AHCTF1: variants seen among roughly 807,000 people sequenced by gnomAD.
AHCTF1 encodes the protein AT-hook containing transcription factor 1.
AHCTF1 carries 24 observed loss-of-function variants against 248.4 expected under a neutral mutation model. The ratio of observed to expected loss-of-function variants is 0.10; its 90% CI spans 0.07 to 0.14. The LOEUF is 0.14. Ranked by LOEUF, AHCTF1 falls within the 10% of genes least tolerant of loss-of-function variation. The pLI is 1.00. For synonymous variants in AHCTF1, 786 were observed against 929.8 expected (o/e 0.85, Z 2.81); for missense variants, 2,206 against 2,636.2 (o/e 0.84, Z 3.57).
chr1:246,886,346 A>C (rs1663817828), intron 20 of AHCTF1, among the ~76,000 whole-genome samples: 1 of 152,184 alleles, frequency 6.6e-6, no homozygotes, highest in Admixed American at 6.5e-5. Context: ...AAATAAATAA[A>C]AATAAAAAAT....
rs542652311 is a variant in AHCTF1 at position 246,900,305 on chromosome 1, G to A, written c.1250+32C>T. 2.5e-6 allele frequency: 4 copies of A among 1,581,516 alleles called. No homozygotes were observed. In the East Asian group the frequency reaches 6.7e-5, roughly 27 times the overall value. ...GGTCAGCTACACATACAAATACAAA[G>A]AGAAAGGAGAGAGAAAAAAAAAGAA... On this transcript the variant is annotated intron_variant, in intron 9 of 35. Transcript: ENST00000648844.
intron 1 of AHCTF1, among the ~76,000 whole-genome samples, chr1:246,926,413 G>A (rs1364507906): frequency 2.0e-5 from 3 of 152,132 alleles, no homozygotes; most frequent in Non-Finnish European, 4.4e-5. Flanking sequence ...TATTTCTCCA[G>A]ACTTCATCAT....
chr1:246,843,661 C>G, intron 34 of AHCTF1, 134 bp downstream of exon 34: 1 of 823,430 alleles, frequency 1.2e-6, no homozygotes, highest in African/African-American at 1.8e-5. Flanking sequence ...TGACTGTTAT[C>G]TTTAAGACAT....
At chr1:246,901,051 A>G (rs997744609) in intron 8 of AHCTF1, among the ~76,000 whole-genome samples, 5 of 152,212 alleles carry the variant, frequency 3.3e-5, no homozygotes, top group Non-Finnish European at 4.4e-5. Context: ...GGAATAAGAG[A>G]GAGCATGGCC....
chr1:246,902,554 T>A lies in AHCTF1; in HGVS notation c.1088A>T (p.His363Leu). Reference protein sequence around the residue: ...GCQSIEKFRSHGDREEGVNEA... With the variant: ...GCQSIEKFRSLGDREEGVNEA... ...ATTCACGCCTTCCTCCCTGTCACCA[T>A]GAGATCGAAATTTCTCTATACTCTG... The change falls in exon 8 of 36, where the codon CAT becomes CTT. Residue 363 changes from histidine (H) to leucine (L), a missense_variant. By Grantham distance (99) the His-to-Leu change is moderately conservative (BLOSUM62 -3). Coordinates refer to ENST00000648844, the MANE Select transcript of AHCTF1 (RefSeq NM_001323342.2). The A allele has an allele frequency of 6.2e-7, 1 of 1,611,646 alleles. No individual in the cohort carries two copies.
intron 4 of AHCTF1, among the ~76,000 whole-genome samples, chr1:246,908,767 C>A (rs925859487): frequency 6.7e-6 from 1 of 149,926 alleles, no homozygotes; most frequent in African/African-American, 2.4e-5. Context: ...TGGCGGCGTG[C>A]GCCTGTAGTC....
chr1:246,893,443 G>C (rs1664355685), intron 14 of AHCTF1, among the ~76,000 whole-genome samples: 2 of 152,162 alleles, frequency 1.3e-5, no homozygotes, highest in South Asian at 4.1e-4. Context: ...CATGACACAA[G>C]AGAAATGACT....
At chr1:246,911,603 C>T (rs1665810023) in intron 4 of AHCTF1, among the ~76,000 whole-genome samples, 2 of 150,914 alleles carry the variant, frequency 1.3e-5, no homozygotes, top group Admixed American at 1.3e-4. Flanking sequence ...CCTGCCTCAG[C>T]CTCCTGAGTA....
intron 21 of AHCTF1, among the ~76,000 whole-genome samples, chr1:246,885,281 C>T (rs528524232): frequency 1.2e-4 from 19 of 152,250 alleles, no homozygotes; most frequent in South Asian, 1.2e-3. Context: ...CCTGCAGAGC[C>T]CATGTATATG....
intron 21 of AHCTF1, among the ~76,000 whole-genome samples, chr1:246,882,164 AT>A (rs1264757748): frequency 4.6e-5 from 7 of 151,150 alleles, no homozygotes; most frequent in African/African-American, 1.2e-4. Flanking sequence ...CGCCCAGCTA[AT>A]TTTTTGTATT....
chr1:246,899,341 T>C, intron 11 of AHCTF1, 110 bp downstream of exon 11: 1 of 854,288 alleles, frequency 1.2e-6, no homozygotes, highest in Non-Finnish European at 1.8e-6. Flanking sequence ...GAAGCTACCA[T>C]TTAAGCTGAA....
chr1:246,895,758 C>CT (rs1664530032), intron 13 of AHCTF1, 77 bp downstream of exon 13: 1 of 1,238,610 alleles, frequency 8.1e-7, no homozygotes, highest in Non-Finnish European at 1.1e-6. Flanking sequence ...ATTAAAATAA[C>CT]TAAGAAAAAA....
rs187355551 is a variant in AHCTF1 at position 246,909,009 on chromosome 1, A to G, written c.557-1251T>C. Among the ~76,000 whole-genome samples, 670 of 151,772 alleles carry G rather than the reference A, an allele frequency of 4.4e-3. 2 individuals are homozygous for G. Among genetic ancestry groups the G allele is most frequent in the Non-Finnish European group, 6.7e-3 (455 of 67,948 alleles). ...CTCATTATTTACAGTTTCACTCTCC[A>G]ATTTCCGTTACCTGTAGTAAACCAA... On this transcript the variant is annotated intron_variant, in intron 4 of 35. Coordinates refer to ENST00000648844, the MANE Select transcript of AHCTF1 (RefSeq NM_001323342.2).
Position 246,857,651 on chromosome 1 carries a change from TTC to T in AHCTF1, c.4256+38_4256+39del, listed in dbSNP as rs781358603. 1.9e-6 allele frequency: 3 copies of T among 1,563,380 alleles called. No individual in the cohort carries two copies. In the South Asian group the frequency reaches 3.6e-5, roughly 19 times the overall value. ...CTTCTGGTTCATAATTTCATTAAAC[TTC>T]TTTCTAAAAGTATTTGAATTTCTCT... On this transcript the variant is annotated intron_variant, in intron 30 of 35. Coordinates refer to ENST00000648844, the MANE Select transcript of AHCTF1 (RefSeq NM_001323342.2).
chr1:246,840,026 C>CAATATT lies in AHCTF1; in HGVS notation c.*774_*779dup, dbSNP rs1423243591. ...AATTTGTTCAGACATCTCATCCTAT[C>CAATATT]AATATTAGGCACATACAAGATGCAC... is the stretch of plus-strand genomic sequence containing the variant. On this transcript the variant is annotated 3_prime_UTR_variant, in exon 36 of 36. Transcript: ENST00000648844. The CAATATT allele has an allele frequency of 6.6e-6, 1 of 152,552 alleles. No homozygotes were observed. Among genetic ancestry groups the CAATATT allele is most frequent in the Non-Finnish European group, 1.5e-5 (1 of 68,040 alleles). 9.4% of individuals were successfully genotyped at this position (152,552 alleles called of 1,614,324 possible).
intron 1 of AHCTF1, 186 bp downstream of exon 1, chr1:246,931,392 C>A: frequency 6.6e-7 from 1 of 1,505,002 alleles, no homozygotes; most frequent in Non-Finnish European, 8.9e-7. Flanking sequence ...CTGCCGTACC[C>A]GCCACCGCCA....
rs1258667437 is a variant in AHCTF1 at position 246,918,388 on chromosome 1, T to A, written c.-7-11A>T. On this transcript the variant is annotated splice_polypyrimidine_tract_variant and intron_variant, in intron 1 of 35. Transcript: ENST00000648844. ...TCTCGCATACTTCCACTGTAAATAT[T>A]TTTAAAAGAAAACATTATTATGACA... 1 of 1,599,868 alleles carries A rather than the reference T, an allele frequency of 6.3e-7. No homozygotes were observed.
At chr1:246,867,101 C>T in intron 26 of AHCTF1, 143 bp downstream of exon 26, 1 of 528,722 alleles carries the variant, frequency 1.9e-6, no homozygotes. Flanking sequence ...AAAATTACTG[C>T]TGCCCAAAGT....
At chr1:246,889,840 G>T (rs966799988) in intron 17 of AHCTF1, 126 bp downstream of exon 17, 4 of 619,730 alleles carry the variant, frequency 6.5e-6, no homozygotes, top group Non-Finnish European at 1.1e-5. Flanking sequence ...AAATAGTAAT[G>T]GTAATAGCAA....
Sources: allele counts gnomAD v4.1 joint callset (sites outside exome capture counted in the v4.1 genomes callset), GRCh38; gene constraint gnomAD v4.1.1; transcripts MANE v1.5; gene names NCBI Gene and HGNC (gene_info 2026-07-23, HGNC 2026-07-21).